ABHD12: variants seen among roughly 807,000 people sequenced by gnomAD.
ABHD12 encodes abhydrolase domain containing 12, lysophospholipase, also known as lysophosphatidylserine lipase ABHD12.
A neutral mutation model predicts 58.3 loss-of-function variants in ABHD12; 43 were observed. The observed-to-expected ratio is 0.74, with a 90% CI of 0.58 to 0.95. The LOEUF is 0.95. Among genes scored for constraint, ABHD12 ranks in the 40% least tolerant of loss-of-function variants. The pLI is 0.00. For synonymous variants in ABHD12, 219 were observed against 211.2 expected (o/e 1.04, Z -0.32); for missense variants, 539 against 537.2 (o/e 1.00, Z -0.03).
At position 25,334,647 on chromosome 20, in the gene ABHD12, A is replaced by G. The variant is rs1452990781; in HGVS notation, c.316+4580T>C. On this transcript the variant is annotated intron_variant, in intron 2 of 12. Transcript: ENST00000339157. ...ACAGAACAGAGCCCTCAGAAATAAC[A>G]CCGCATATCTGCAACTATCTGATCT... is the stretch of plus-strand genomic sequence containing the variant. Among the ~76,000 whole-genome samples the G allele has an allele frequency of 7.9e-5, 12 of 151,978 alleles. No homozygotes were observed. The South Asian group carries it at 1.3e-3, about 16-fold the overall frequency.
intron 9 of ABHD12, among the ~76,000 whole-genome samples, chr20:25,307,276 A>G (rs563008366): frequency 9.8e-5 from 15 of 152,364 alleles, no homozygotes; most frequent in African/African-American, 3.4e-4. Context: ...AGTGGGGTCT[A>G]TGGACAGTTT....
intron 1 of ABHD12, among the ~76,000 whole-genome samples, chr20:25,354,169 A>G (rs972630556): frequency 2.0e-5 from 3 of 152,240 alleles, no homozygotes; most frequent in East Asian, 1.9e-4. Context: ...TTATAGCCTC[A>G]ATAAATCAAC....
intron 10 of ABHD12, among the ~76,000 whole-genome samples, chr20:25,306,180 C>CAA (rs11474922): frequency 7.3e-6 from 1 of 137,592 alleles, no homozygotes; most frequent in Non-Finnish European, 1.6e-5. Flanking sequence ...AAAACAAAAA[C>CAA]AAAAAAAAAA....
In ABHD12 at chr20:25,300,514, C is replaced by T. The variant is rs927058842; in HGVS notation, c.*331G>A. The T allele has an allele frequency of 5.2e-4, 690 of 1,317,960 alleles. No individual in the cohort carries two copies. Among genetic ancestry groups the T allele is most frequent in the Non-Finnish European group, 6.3e-4 (647 of 1,027,432 alleles). The allele number at this position is 1,317,960 out of a possible 1,614,324, so 81.6% of individuals were successfully genotyped here. ...TCCCGAGCCCCAAGAGTCCCCTGCCCGGACTCCCCCTGTCCAGCTCAGTGC... is the reference window on the plus strand; with the variant it reads ...TCCCGAGCCCCAAGAGTCCCCTGCCTGGACTCCCCCTGTCCAGCTCAGTGC... On this transcript the variant is annotated 3_prime_UTR_variant, in exon 13 of 13. Transcript: ENST00000339157.
rs868835047 is a variant in ABHD12, at chr20:25,339,802, C to T, written c.192-451G>A. 10 of 1,221,478 alleles carry T rather than the reference C, an allele frequency of 8.2e-6. No individual in the cohort carries two copies. In the Middle Eastern group the frequency reaches 7.3e-4, roughly 89 times the overall value. The allele number at this position is 1,221,478 out of a possible 1,614,324, so 75.7% of individuals were successfully genotyped here. A position where few individuals can be genotyped will look rare whatever the true frequency, so the allele number is the denominator to read the frequency against. ...TAGCTCCTGGTAGGAAGCACGTAGACCAAGGACATCAACAGAACCTGCCTG... is the reference window on the plus strand; with the variant it reads ...TAGCTCCTGGTAGGAAGCACGTAGATCAAGGACATCAACAGAACCTGCCTG... On this transcript the variant is annotated intron_variant, in intron 1 of 12. Coordinates refer to ENST00000339157, the MANE Select transcript of ABHD12 (RefSeq NM_001042472.3).
chr20:25,387,589 T>TAA lies in ABHD12; in HGVS notation c.191+2923_191+2924insTT, dbSNP rs779293077. On this transcript the variant is annotated intron_variant, in intron 1 of 12. Coordinates refer to ENST00000339157, the MANE Select transcript of ABHD12 (RefSeq NM_001042472.3). ...GCAACATAGTGAGACTTCATCTCTA[T>TAA]TAAAAAAAAAAAAAAAAAATTAACC... is the stretch of plus-strand genomic sequence containing the variant. Among the ~76,000 whole-genome samples the TAA allele has an allele frequency of 2.0e-4, 17 of 85,222 alleles. 1 individual carries two copies. The highest frequency in any genetic ancestry group is 8.6e-4 in the South Asian group (2 of 2,324). The allele number at this position is 85,222 out of a possible 152,430, so 55.9% of individuals were successfully genotyped here. A position where few individuals can be genotyped will look rare whatever the true frequency, so the allele number is the denominator to read the frequency against.
intron 1 of ABHD12, among the ~76,000 whole-genome samples, chr20:25,377,464 A>G (rs2089974574): frequency 6.6e-6 from 1 of 152,192 alleles, no homozygotes; most frequent in Non-Finnish European, 1.5e-5. Flanking sequence ...AAGGGGCCAT[A>G]TCTGGTGAGG....
chr20:25,329,397 C>T (rs1012271687), intron 2 of ABHD12, among the ~76,000 whole-genome samples: 1 of 152,218 alleles, frequency 6.6e-6, no homozygotes, highest in South Asian at 2.1e-4. Flanking sequence ...GGGACTGAGG[C>T]CTCTGGCTGC....
downstream of ABHD12, among the ~76,000 whole-genome samples, chr20:25,295,888 G>A (rs145117315): frequency 2.5e-3 from 386 of 152,346 alleles, no homozygotes; most frequent in Non-Finnish European, 4.4e-3. Flanking sequence ...TAATGGCCAA[G>A]AAAGGAATGT....
chr20:25,322,138 T>A (rs2089077424), intron 3 of ABHD12, among the ~76,000 whole-genome samples: 2 of 151,952 alleles, frequency 1.3e-5, no homozygotes, highest in South Asian at 4.1e-4. Context: ...TTGGTCAATT[T>A]TAATTCAGCT....
rs188948921 is a variant in ABHD12 at position 25,367,624 on chromosome 20, T to C, written c.191+22889A>G. 2.6e-5 allele frequency among the ~76,000 whole-genome samples: 4 copies of C among 152,374 alleles called. No homozygotes were observed. The East Asian group carries it at 7.7e-4, about 29-fold the overall frequency. On this transcript the variant is annotated intron_variant, in intron 1 of 12. Transcript: ENST00000339157. ...CCACCCTTCCACTTTCTGCTACTAG[T>C]ACCTTGACGACTCTAGTGCCTCACG... is the stretch of plus-strand genomic sequence containing the variant.
At chr20:25,320,578 T>C (rs1443737740) in intron 3 of ABHD12, among the ~76,000 whole-genome samples, 2 of 152,218 alleles carry the variant, frequency 1.3e-5, no homozygotes, top group Non-Finnish European at 2.9e-5. Flanking sequence ...GCCAGCCTCC[T>C]CTGGGCCACA....
In ABHD12 at chr20:25,306,899, G is replaced by A. The variant is rs139092767; in HGVS notation, c.884C>T (p.Pro295Leu). 1.2e-6 allele frequency: 2 copies of A among 1,611,674 alleles called. No homozygotes were observed. The highest frequency in any genetic ancestry group is 1.7e-6 in the Non-Finnish European group (2 of 1,178,284). The stretch of plus-strand genomic sequence containing the variant: ...ATCAAGGAAGAACCAGTCAAACCCA[G>A]GGAAGTATCGATATATCTGGAGACA... Reference protein sequence around the residue: ...HPFSVIYRYFPGFDWFFLDPI... With the variant: ...HPFSVIYRYFLGFDWFFLDPI... The change falls in exon 10 of 13, where the codon CCT (proline) becomes CTT (leucine). Residue 295 changes from proline (P) to leucine (L), a missense_variant. By Grantham distance (98) the Pro-to-Leu change is moderately conservative. Coordinates refer to ENST00000339157, the MANE Select transcript of ABHD12 (RefSeq NM_001042472.3).
rs142817259 is a variant in ABHD12 at position 25,369,015 on chromosome 20, C to T, written c.191+21498G>A. Among the ~76,000 whole-genome samples the T allele has an allele frequency of 1.1e-4, 17 of 151,954 alleles. No individual in the cohort carries two copies. The East Asian group carries it at 3.3e-3, about 29-fold the overall frequency. Reference sequence around the variant, plus strand: ...GCATGCACCTATAGTCCCAGCTACTCGGGAGGCTGAAGTGGGAAGACCGCT... The same window carrying T: ...GCATGCACCTATAGTCCCAGCTACTTGGGAGGCTGAAGTGGGAAGACCGCT... On this transcript the variant is annotated intron_variant, in intron 1 of 12. Coordinates refer to ENST00000339157, the MANE Select transcript of ABHD12 (RefSeq NM_001042472.3).
intron 1 of ABHD12, among the ~76,000 whole-genome samples, chr20:25,378,308 T>C (rs1181614128): frequency 6.6e-6 from 1 of 152,164 alleles, no homozygotes; most frequent in Admixed American, 6.6e-5. Context: ...ACTAGCTCCC[T>C]GAGGACAGGT....
Position 25,361,681 on chromosome 20 carries a change from C to T in ABHD12, c.192-22330G>A, listed in dbSNP as rs953745301. The stretch of plus-strand genomic sequence containing the variant: ...TGAAAATCTTACACCTGGGACCGGG[C>T]GTGGTGGCTCACGCCTGTAATCCTA... On this transcript the variant is annotated intron_variant, in intron 1 of 12. Transcript: ENST00000339157. Among the ~76,000 whole-genome samples, 3 of 152,200 alleles carry T rather than the reference C, an allele frequency of 2.0e-5. No homozygotes were observed. The South Asian group carries it at 6.2e-4, about 32-fold the overall frequency.
At chr20:25,390,407 G>C (rs1384569788) in intron 1 of ABHD12, 106 bp downstream of exon 1, 7 of 1,126,048 alleles carry the variant, frequency 6.2e-6, no homozygotes, top group Non-Finnish European at 8.0e-6. Flanking sequence ...TCGGGCGGAC[G>C]GCCACTCTGG....
intron 1 of ABHD12, among the ~76,000 whole-genome samples, chr20:25,373,455 G>A (rs1303628128): frequency 6.6e-6 from 1 of 151,988 alleles, no homozygotes; most frequent in Non-Finnish European, 1.5e-5. Flanking sequence ...GCTGAGGCAG[G>A]AGAATTGCTT....
intron 1 of ABHD12, among the ~76,000 whole-genome samples, chr20:25,360,903 A>C (rs1211989660): frequency 6.6e-6 from 1 of 152,250 alleles, no homozygotes; most frequent in Non-Finnish European, 1.5e-5. Flanking sequence ...AAGAGACTGA[A>C]GATTTATTCT....
Sources: allele counts gnomAD v4.1 joint callset (sites outside exome capture counted in the v4.1 genomes callset), GRCh38; gene constraint gnomAD v4.1.1; transcripts MANE v1.5; gene names NCBI Gene and HGNC (gene_info 2026-07-23, HGNC 2026-07-21).